Variants in MAGI2 observed in about 807,000 individuals in gnomAD.
MAGI2 encodes membrane associated guanylate kinase, WW and PDZ domain containing 2.
Under a neutral mutation model 133.3 loss-of-function variants are expected in MAGI2, and 35 were observed. The ratio of observed to expected loss-of-function variants is 0.26; its 90% CI spans 0.20 to 0.35. The LOEUF (loss-of-function observed/expected upper bound fraction) is 0.35, where lower values mean the gene tolerates loss of function less well. MAGI2 is among the 10% of genes least tolerant of loss of function. The probability of loss-of-function intolerance (pLI) is 1.00; values close to 1 mark genes in which losing one functional copy is unlikely to be tolerated. For synonymous variants in MAGI2, 729 were observed against 710.6 expected (o/e 1.03, Z -0.41); for missense variants, 1,636 against 1,863.4 (o/e 0.88, Z 2.25).
chr7:78,579,353 A>T (rs1278881605), intron 3 of MAGI2, among the ~76,000 whole-genome samples: 1 of 152,142 alleles, frequency 6.6e-6, no homozygotes, highest in Non-Finnish European at 1.5e-5. Flanking sequence ...ACCAGGATAT[A>T]CCTCCCCAAA....
chr7:78,075,812 A>G (rs965754472), intron 21 of MAGI2, among the ~76,000 whole-genome samples: 1 of 152,178 alleles, frequency 6.6e-6, no homozygotes, highest in Non-Finnish European at 1.5e-5. Flanking sequence ...GAAATTCCAG[A>G]AATATCACTT....
At chr7:79,437,463 A>G (rs1178944066) in intron 1 of MAGI2, among the ~76,000 whole-genome samples, 1 of 152,154 alleles carries the variant, frequency 6.6e-6, no homozygotes, top group Non-Finnish European at 1.5e-5. Context: ...ACACATATAT[A>G]TTAGTAAACT....
intron 2 of MAGI2, among the ~76,000 whole-genome samples, chr7:78,801,454 T>C (rs1382608560): frequency 6.6e-6 from 1 of 152,114 alleles, no homozygotes; most frequent in African/African-American, 2.4e-5. Flanking sequence ...TTTGAGTCCA[T>C]TGTCTATCCC....
chr7:79,265,115 A>G (rs564658336), intron 1 of MAGI2, among the ~76,000 whole-genome samples: 1 of 152,296 alleles, frequency 6.6e-6, no homozygotes, highest in East Asian at 1.9e-4. Flanking sequence ...GAATTTCCAC[A>G]ACTAAACATA....
At chr7:78,054,324 C>A (rs1322336618) in intron 21 of MAGI2, among the ~76,000 whole-genome samples, 2 of 152,192 alleles carry the variant, frequency 1.3e-5, no homozygotes, top group East Asian at 1.9e-4. Context: ...TGGGGTTTCA[C>A]CATGTTGGTC....
At chr7:78,277,022 ATTAG>A (rs1447523954) in intron 9 of MAGI2, among the ~76,000 whole-genome samples, 1 of 152,176 alleles carries the variant, frequency 6.6e-6, no homozygotes, top group African/African-American at 2.4e-5. Flanking sequence ...TATTTATTAA[ATTAG>A]TTCTATTTTT....
At chr7:78,103,821 C>T (rs1818413717) in intron 20 of MAGI2, among the ~76,000 whole-genome samples, 2 of 152,244 alleles carry the variant, frequency 1.3e-5, no homozygotes, top group South Asian at 2.1e-4. Flanking sequence ...CCCTTTCATG[C>T]TTGCATGATT....
chr7:78,110,899 A>G (rs1259659207), intron 20 of MAGI2, among the ~76,000 whole-genome samples: 1 of 152,200 alleles, frequency 6.6e-6, no homozygotes, highest in African/African-American at 2.4e-5. Flanking sequence ...ATTTAAGAAT[A>G]CAGTACCCAG....
intron 6 of MAGI2, among the ~76,000 whole-genome samples, chr7:78,448,681 A>G (rs1788405354): frequency 1.3e-5 from 2 of 152,202 alleles, no homozygotes; most frequent in African/African-American, 4.8e-5. Context: ...AGACCTTCTC[A>G]TGTTAGCTCC....
At chr7:79,064,516 G>A (rs1229153605) in intron 1 of MAGI2, among the ~76,000 whole-genome samples, 1 of 152,012 alleles carries the variant, frequency 6.6e-6, no homozygotes, top group East Asian at 1.9e-4. Context: ...ATGATTTTCA[G>A]TCCGAATCAT....
At chr7:78,292,903 C>T (rs546649801) in intron 9 of MAGI2, among the ~76,000 whole-genome samples, 2 of 152,106 alleles carry the variant, frequency 1.3e-5, no homozygotes, top group Non-Finnish European at 2.9e-5. Context: ...GAAACTGGAC[C>T]CCTTCCTTAC....
intron 2 of MAGI2, among the ~76,000 whole-genome samples, chr7:78,972,938 T>TACACACACAC (rs3069435): frequency 0.012 from 1,788 of 148,328 alleles, 38 homozygotes; most frequent in African/African-American, 0.04. Flanking sequence ...TTGTTGCTTT[T>TACACACACAC]ACACACACAC....
intron 2 of MAGI2, among the ~76,000 whole-genome samples, chr7:78,865,350 C>G (rs976323358): frequency 6.6e-6 from 1 of 151,934 alleles, no homozygotes; most frequent in Admixed American, 6.6e-5. Flanking sequence ...GTGAGGAAGA[C>G]CATTAGTCAA....
chr7:79,448,468 A>G (rs1476277915), intron 1 of MAGI2, among the ~76,000 whole-genome samples: 2 of 152,122 alleles, frequency 1.3e-5, no homozygotes, highest in Non-Finnish European at 2.9e-5. Flanking sequence ...TAAAATCTAC[A>G]TAATGCTTAT....
At chr7:78,195,959 C>T (rs899398107) in intron 11 of MAGI2, among the ~76,000 whole-genome samples, 1 of 152,110 alleles carries the variant, frequency 6.6e-6, no homozygotes, top group African/African-American at 2.4e-5. Context: ...CTAGTTTGCC[C>T]TCCTGCTGAA....
chr7:78,830,919 A>C (rs1791089028), intron 2 of MAGI2, among the ~76,000 whole-genome samples: 1 of 152,220 alleles, frequency 6.6e-6, no homozygotes, highest in African/African-American at 2.4e-5. Context: ...TATGGGATGA[A>C]GGATTCACCC....
intron 1 of MAGI2, among the ~76,000 whole-genome samples, chr7:79,311,836 C>T (rs1392948565): frequency 5.3e-5 from 8 of 151,974 alleles, no homozygotes; most frequent in East Asian, 1.9e-4. Flanking sequence ...AACTCTATAC[C>T]GCAAGCTACT....
chr7:78,233,197 G>A (rs1790159044), intron 10 of MAGI2, among the ~76,000 whole-genome samples: 1 of 152,116 alleles, frequency 6.6e-6, no homozygotes, highest in East Asian at 1.9e-4. Context: ...GATTGTGGTG[G>A]TGAGGTTACA....
intron 1 of MAGI2, among the ~76,000 whole-genome samples, chr7:79,163,393 C>T (rs967520718): frequency 2.0e-4 from 31 of 152,100 alleles, no homozygotes; most frequent in African/African-American, 6.3e-4. Context: ...AGGCTGGTTG[C>T]CAACTCCTGA....
Sources: gnomAD v4.1 joint callset for allele counts (sites outside exome capture counted in the v4.1 genomes callset) on GRCh38, gnomAD v4.1.1 for gene constraint, MANE v1.5 for transcripts, NCBI Gene and HGNC (gene_info 2026-07-23, HGNC 2026-07-21) for gene names.